DOCK5: variants seen among roughly 807,000 people sequenced by gnomAD.
The protein encoded by DOCK5 is dedicator of cytokinesis protein 5.
A neutral mutation model predicts 251.8 loss-of-function variants in DOCK5; 142 were observed. That is an observed-to-expected ratio of 0.56 (90% confidence interval 0.49 to 0.65). The LOEUF is 0.65. Among genes scored for constraint, DOCK5 ranks in the 30% least tolerant of loss-of-function variants. DOCK5 has a pLI of 0.00. For missense variants in DOCK5, 2,111 were observed against 2,312.3 expected, an observed-to-expected ratio of 0.91 and a Z score of 1.79; for synonymous variants, 842 against 835.5, an observed-to-expected ratio of 1.01 and a Z score of -0.13.
chr8:25,235,265 C>A (rs1289398211), intron 1 of DOCK5, among the ~76,000 whole-genome samples: 1 of 152,158 alleles, frequency 6.6e-6, no homozygotes, highest in Non-Finnish European at 1.5e-5. Context: ...CAGGATCTTG[C>A]TCTGTCGCCT....
intron 18 of DOCK5, among the ~76,000 whole-genome samples, chr8:25,329,605 A>G (rs774110760): frequency 6.6e-6 from 1 of 152,216 alleles, no homozygotes; most frequent in Admixed American, 6.5e-5. Context: ...GTGACTTTGC[A>G]TAATATTTAA....
chr8:25,364,097 CTTG>C, intron 29 of DOCK5, among the ~76,000 whole-genome samples: 1 of 152,206 alleles, frequency 6.6e-6, no homozygotes, highest in East Asian at 1.9e-4. Flanking sequence ...ACAACAAATA[CTTG>C]TTGAACAGAA....
chr8:25,271,081 C>T (rs1803896274), intron 3 of DOCK5: 4 of 397,328 alleles, frequency 1.0e-5, no homozygotes, highest in Non-Finnish European at 1.8e-5. Context: ...ATATAAAAAT[C>T]AGTCTAGCTA....
rs1586319267 is a variant in DOCK5, at chr8:25,312,544, C to G, written c.1318+2012C>G. On this transcript the variant is annotated intron_variant, in intron 13 of 51. Transcript: ENST00000276440. ...TTGGGAAGCTGAGGTGGGTGGATCACTTGAGGTCAGGAGTTCAAGACCAGC... is the reference window on the plus strand; with the variant it reads ...TTGGGAAGCTGAGGTGGGTGGATCAGTTGAGGTCAGGAGTTCAAGACCAGC... Among the ~76,000 whole-genome samples the G allele has an allele frequency of 2.0e-5, 3 of 152,172 alleles. No homozygotes were observed. In the South Asian group the frequency reaches 6.2e-4, roughly 32 times the overall value.
chr8:25,208,616 G>A (rs1212588242), intron 1 of DOCK5, among the ~76,000 whole-genome samples: 2 of 152,042 alleles, frequency 1.3e-5, no homozygotes, highest in African/African-American at 4.8e-5. Context: ...TCAAATTAAG[G>A]TCTGTACATT....
intron 1 of DOCK5, among the ~76,000 whole-genome samples, chr8:25,193,763 C>CA (rs927403905): frequency 2.7e-5 from 4 of 149,450 alleles, no homozygotes; most frequent in Non-Finnish European, 4.5e-5. Flanking sequence ...AGACCCTGGT[C>CA]AAAAAAAAGG....
At chr8:25,261,992 TAGTA>T (rs1436706240) in intron 2 of DOCK5, among the ~76,000 whole-genome samples, 3 of 152,252 alleles carry the variant, frequency 2.0e-5, no homozygotes, top group Admixed American at 6.5e-5. Flanking sequence ...AGTTATAGTA[TAGTA>T]AGTAATATAT....
At chr8:25,229,446 A>G (rs1246323438) in intron 1 of DOCK5, among the ~76,000 whole-genome samples, 1 of 151,794 alleles carries the variant, frequency 6.6e-6, no homozygotes, top group Non-Finnish European at 1.5e-5. Context: ...TTGCTACTGC[A>G]CTCCAGCCTG....
At chr8:25,317,703 C>T (rs778452866) in intron 14 of DOCK5, among the ~76,000 whole-genome samples, 8 of 152,170 alleles carry the variant, frequency 5.3e-5, no homozygotes, top group South Asian at 2.1e-4. Context: ...CTCCGCCTCC[C>T]GGGTGCACCC....
chr8:25,199,154 A>G (rs895462469), intron 1 of DOCK5, among the ~76,000 whole-genome samples: 2 of 152,190 alleles, frequency 1.3e-5, no homozygotes, highest in Non-Finnish European at 2.9e-5. Flanking sequence ...CATCACAGGC[A>G]TATTTGAGAA....
intron 25 of DOCK5, 52 bp from the exon 26 acceptor site, chr8:25,345,423 A>C (rs556769953): frequency 1.2e-5 from 19 of 1,602,086 alleles, no homozygotes; most frequent in Non-Finnish European, 1.6e-5. Flanking sequence ...GGAGACAGGC[A>C]GTTCAGGAGG....
In DOCK5 at chr8:25,325,216, A is replaced by G. The variant is rs138885552; in HGVS notation, c.1720-148A>G. On this transcript the variant is annotated intron_variant, in intron 17 of 51. Transcript: ENST00000276440. ...CTGGGCTCAATGTTTACAGAAAGAT[A>G]TCAGAGTATCTCAGAGGTGGAAGGG... is the stretch of plus-strand genomic sequence containing the variant. The G allele has an allele frequency of 2.3e-3, 1,699 of 753,530 alleles. 37 individuals are homozygous for G. In the East Asian group the frequency reaches 0.042, roughly 18 times the overall value. 46.7% of individuals were successfully genotyped at this position (753,530 alleles called of 1,614,324 possible). A position where few individuals can be genotyped will look rare whatever the true frequency, so the allele number is the denominator to read the frequency against.
chr8:25,369,397 G>T (rs1328580296), intron 33 of DOCK5, among the ~76,000 whole-genome samples, 159 bp from the exon 34 acceptor site: 1 of 152,174 alleles, frequency 6.6e-6, no homozygotes, highest in African/African-American at 2.4e-5. Flanking sequence ...TTTTGATAGG[G>T]CCTTGGTGCA....
intron 6 of DOCK5, among the ~76,000 whole-genome samples, chr8:25,293,741 T>A (rs1804550513): frequency 6.6e-6 from 1 of 152,162 alleles, no homozygotes; most frequent in South Asian, 2.1e-4. Context: ...AGGTTGCTCA[T>A]GCCTTTAATC....
Position 25,296,594 on chromosome 8 carries a change from C to G in DOCK5, c.552C>G (p.Phe184Leu). 1.2e-6 allele frequency: 2 copies of G among 1,612,564 alleles called. No homozygotes were observed. The highest frequency in any genetic ancestry group is 1.1e-5 in the South Asian group (1 of 90,684). ...DPDETSTIAL[F>L]KAHEVASKRI... ...ACGAAACCAGCACCATTGCCCTCTTCAAGGCCCATGAGGTGGCCTCCAAAA... is the reference window on the plus strand; with the variant it reads ...ACGAAACCAGCACCATTGCCCTCTTGAAGGCCCATGAGGTGGCCTCCAAAA... The change falls in exon 7 of 52, where the codon TTC becomes TTG. Residue 184 changes from phenylalanine (F) to leucine (L), a missense_variant. Transcript: ENST00000276440.
chr8:25,275,468 C>CA (rs1563334261), intron 4 of DOCK5, 27 bp downstream of exon 4: 1 of 1,581,486 alleles, frequency 6.3e-7, no homozygotes, highest in South Asian at 1.1e-5. Flanking sequence ...GAAGATTCCC[C>CA]AAAAATGATG....
intron 1 of DOCK5, among the ~76,000 whole-genome samples, chr8:25,187,964 G>A (rs1455692122): frequency 1.3e-5 from 2 of 152,174 alleles, no homozygotes; most frequent in Non-Finnish European, 2.9e-5. Flanking sequence ...CCTGGACTGT[G>A]CCATCCTTGG....
chr8:25,394,488 T>G (rs1374104329), intron 44 of DOCK5, among the ~76,000 whole-genome samples: 1 of 152,148 alleles, frequency 6.6e-6, no homozygotes, highest in Non-Finnish European at 1.5e-5. Flanking sequence ...TGACTTCTGA[T>G]ACACATAGAA....
rs565229289 is a variant in DOCK5, at chr8:25,307,279, C to T, written c.1050-1504C>T. On this transcript the variant is annotated intron_variant, in intron 11 of 51. Transcript: ENST00000276440. ...GATTACAGGTGCATGCCATTACACC[C>T]AGCTAATTTTTCTATTTTTAGTAGA... Among the ~76,000 whole-genome samples, 8 of 152,148 alleles carry T rather than the reference C, an allele frequency of 5.3e-5. No homozygotes were observed. The South Asian group carries it at 1.5e-3, about 28-fold the overall frequency.
Sources: allele counts gnomAD v4.1 joint callset (sites outside exome capture counted in the v4.1 genomes callset), GRCh38; gene constraint gnomAD v4.1.1; transcripts MANE v1.5; gene names NCBI Gene and HGNC (gene_info 2026-07-23, HGNC 2026-07-21).